The following LRRC69 variants were observed in gnomAD, a reference collection of about 807,000 sequenced individuals.
LRRC69 encodes the protein leucine-rich repeat-containing protein 69.
Under a neutral mutation model 37.8 loss-of-function variants are expected in LRRC69, and 42 were observed. That is an observed-to-expected ratio of 1.11 (90% CI 0.87 to 1.44). LRRC69 has a LOEUF of 1.44. Among genes scored for constraint, LRRC69 ranks in the 40% most tolerant of loss-of-function variants. LRRC69 has a pLI of 0.00. For synonymous variants in LRRC69, 141 were observed against 143.1 expected (o/e 0.99, Z 0.11); for missense variants, 357 against 401.9 (o/e 0.89, Z 0.96).
At chr8:91,137,520 T>G (rs7009676) in intron 5 of LRRC69, among the ~76,000 whole-genome samples, 12,743 of 152,128 alleles carry the variant, frequency 0.084, 903 homozygotes, top group African/African-American at 0.19. Flanking sequence ...TAAACTTCAT[T>G]TATTATTCAC....
chr8:91,125,775 T>C (rs1035225842), intron 2 of LRRC69, among the ~76,000 whole-genome samples: 4 of 151,794 alleles, frequency 2.6e-5, no homozygotes, highest in African/African-American at 9.7e-5. Flanking sequence ...GGTATATATA[T>C]ATCTGTATCT....
chr8:91,206,518 C>T (rs1809807868), intron 7 of LRRC69, among the ~76,000 whole-genome samples: 1 of 152,182 alleles, frequency 6.6e-6, no homozygotes, highest in Non-Finnish European at 1.5e-5. Flanking sequence ...ATTCAAGAGA[C>T]ATTTAATGAG....
intron 7 of LRRC69, among the ~76,000 whole-genome samples, chr8:91,204,121 C>CAAAA (rs768420210): frequency 1.9e-5 from 1 of 52,430 alleles, no homozygotes; most frequent in Non-Finnish European, 4.1e-5. Flanking sequence ...GACTCCATCT[C>CAAAA]AAAAAAAAAA....
intron 4 of LRRC69, 84 bp from the exon 5 acceptor site, chr8:91,135,584 T>G: frequency 1.2e-6 from 1 of 849,252 alleles, no homozygotes. Context: ...TTCATCATGT[T>G]GGAGCTTTAA....
chr8:91,216,693 A>G (rs1810053934), intron 7 of LRRC69, among the ~76,000 whole-genome samples: 1 of 152,130 alleles, frequency 6.6e-6, no homozygotes, highest in Admixed American at 6.6e-5. Flanking sequence ...CTCCAACCAC[A>G]ATTTCATCAC....
chr8:91,180,409 A>G (rs1284994496), intron 5 of LRRC69, among the ~76,000 whole-genome samples: 2 of 152,160 alleles, frequency 1.3e-5, no homozygotes, highest in Non-Finnish European at 1.5e-5. Flanking sequence ...CCCCCAGAGT[A>G]AGTGACTCAC....
At chr8:91,145,058 A>G (rs1808594766) in intron 5 of LRRC69, among the ~76,000 whole-genome samples, 1 of 151,928 alleles carries the variant, frequency 6.6e-6, no homozygotes, top group South Asian at 2.1e-4. Flanking sequence ...CACTTGGAGA[A>G]TGTCTATTTC....
chr8:91,168,191 C>T (rs186574414), intron 5 of LRRC69, among the ~76,000 whole-genome samples: 4 of 152,008 alleles, frequency 2.6e-5, no homozygotes, highest in Admixed American at 2.0e-4. Flanking sequence ...TTGGGCACTG[C>T]TGTGTCCTCA....
chr8:91,197,970 C>T (rs970479522), intron 6 of LRRC69, among the ~76,000 whole-genome samples: 1 of 152,222 alleles, frequency 6.6e-6, no homozygotes, highest in Admixed American at 6.5e-5. Context: ...CCTAAGAATT[C>T]TTCTCAGAAA....
At chr8:91,148,435 G>C (rs13281393) in intron 5 of LRRC69, among the ~76,000 whole-genome samples, 1 of 151,814 alleles carries the variant, frequency 6.6e-6, no homozygotes, top group Non-Finnish European at 1.5e-5. Context: ...TGGCTGCATA[G>C]TATTCCATGG....
chr8:91,207,573 G>A (rs1809826722), intron 7 of LRRC69, among the ~76,000 whole-genome samples: 3 of 152,200 alleles, frequency 2.0e-5, no homozygotes, highest in Admixed American at 2.0e-4. Flanking sequence ...CATAATAAAT[G>A]TTAAGTTACT....
intron 6 of LRRC69, among the ~76,000 whole-genome samples, chr8:91,199,113 C>T (rs1022554352): frequency 1.3e-5 from 2 of 152,258 alleles, no homozygotes; most frequent in African/African-American, 2.4e-5. Context: ...GTAGTGAATC[C>T]TTATCCATGA....
chr8:91,113,297 A>G (rs1241121295), intron 1 of LRRC69, among the ~76,000 whole-genome samples: 2 of 152,038 alleles, frequency 1.3e-5, no homozygotes, highest in African/African-American at 4.8e-5. Flanking sequence ...GAGGCATTAT[A>G]CCTCCTGATT....
intron 1 of LRRC69, among the ~76,000 whole-genome samples, chr8:91,114,759 T>C (rs886776067): frequency 6.6e-6 from 1 of 152,056 alleles, no homozygotes. Context: ...TTAGTGTAAG[T>C]ACTATGATGT....
At chr8:91,213,218 A>T (rs1809967784) in intron 7 of LRRC69, among the ~76,000 whole-genome samples, 1 of 152,172 alleles carries the variant, frequency 6.6e-6, no homozygotes, top group African/African-American at 2.4e-5. Context: ...TGGCTGGAAC[A>T]TGATGGGATT....
At chr8:91,194,314 T>G (rs1336463272) in intron 6 of LRRC69, among the ~76,000 whole-genome samples, 1 of 150,780 alleles carries the variant, frequency 6.6e-6, no homozygotes, top group Non-Finnish European at 1.5e-5. Context: ...TTCTCTTTTT[T>G]GGTTGTGTCT....
chr8:91,165,038 G>A lies in LRRC69; in HGVS notation c.652-24484G>A, dbSNP rs1014472476. On this transcript the variant is annotated intron_variant, in intron 5 of 7. Coordinates refer to ENST00000448384, the Ensembl canonical transcript of LRRC69. ...AGAAAATAGAAGTCAAGACTCCTAC[G>A]AAGGTTCATTTGAGATGGGAAGGTT... Among the ~76,000 whole-genome samples the A allele has an allele frequency of 3.3e-5, 5 of 151,592 alleles. No homozygotes were observed. The East Asian group carries it at 7.8e-4, about 24-fold the overall frequency.
intron 6 of LRRC69, among the ~76,000 whole-genome samples, chr8:91,200,267 G>A (rs1178756540): frequency 2.0e-5 from 3 of 152,178 alleles, no homozygotes; most frequent in East Asian, 1.9e-4. Context: ...CAGTCTGAAT[G>A]TTTGTACAGT....
chr8:91,129,052 G>T (rs925695911), intron 3 of LRRC69, among the ~76,000 whole-genome samples: 2 of 152,154 alleles, frequency 1.3e-5, no homozygotes, highest in East Asian at 1.9e-4. Context: ...AGAGGGAAAA[G>T]GAGTTTTGTT....
Sources: gnomAD v4.1 joint callset for allele counts (sites outside exome capture counted in the v4.1 genomes callset) on GRCh38, gnomAD v4.1.1 for gene constraint, MANE v1.5 for transcripts, NCBI Gene and HGNC (gene_info 2026-07-23, HGNC 2026-07-21) for gene names.